Variants in WWP2 observed in about 807,000 individuals in gnomAD.
WWP2 encodes WW domain containing E3 ubiquitin protein ligase 2, also known as NEDD4-like E3 ubiquitin-protein ligase WWP2.
WWP2 carries 57 observed loss-of-function variants against 121.0 expected under a neutral mutation model. The observed-to-expected ratio is 0.47, with a 90% CI of 0.38 to 0.59. The LOEUF is 0.59. Ranked by LOEUF, WWP2 falls within the 20% of genes least tolerant of loss-of-function variation. WWP2 has a pLI of 0.00. For synonymous variants in WWP2, 449 were observed against 441.3 expected (o/e 1.02, Z -0.22); for missense variants, 962 against 1,158.9 (o/e 0.83, Z 2.47).
chr16:69,773,715 C>T (rs951626294), intron 1 of WWP2, among the ~76,000 whole-genome samples: 3 of 152,040 alleles, frequency 2.0e-5, no homozygotes, highest in African/African-American at 4.8e-5. Flanking sequence ...TTCCTGGGCT[C>T]AAGCAGTCTG....
intron 8 of WWP2, among the ~76,000 whole-genome samples, chr16:69,896,202 G>A (rs2058101881): frequency 6.6e-6 from 1 of 152,056 alleles, no homozygotes; most frequent in Non-Finnish European, 1.5e-5. Flanking sequence ...GCTCACTGCA[G>A]CCTCAACTTC....
At chr16:69,873,390 A>G (rs2057677643) in intron 7 of WWP2, among the ~76,000 whole-genome samples, 1 of 152,066 alleles carries the variant, frequency 6.6e-6, no homozygotes, top group Non-Finnish European at 1.5e-5. Flanking sequence ...CAGTGGCCTG[A>G]CCTCCTCCCT....
chr16:69,917,966 C>A, intron 10 of WWP2, 83 bp downstream of exon 10: 2 of 1,504,226 alleles, frequency 1.3e-6, no homozygotes, highest in Non-Finnish European at 9.0e-7. Context: ...TGTTGACCTG[C>A]TTAGTGAGCA....
intron 5 of WWP2, 36 bp from the exon 6 acceptor site, chr16:69,841,988 T>A: frequency 1.3e-6 from 2 of 1,593,744 alleles, no homozygotes; most frequent in Non-Finnish European, 1.7e-6. Flanking sequence ...AGCTCCTCAA[T>A]GCTTCTGTCT....
In WWP2 at chr16:69,888,095, A is replaced by T. The variant is rs1336404262; in HGVS notation, c.760A>T (p.Thr254Ser). Residue 254 changes from threonine (T) to serine (S), a missense_variant, in exon 8 of 24, where the codon ACG becomes TCG. This residue lies in a region of WWP2 where 211 missense variants were observed against 196.5 expected (regional missense o/e 1.07). Transcript: ENST00000359154. ...DPEEPSVVGV[T>S]SPPAAPLSVT... ...CGAAGAACCTTCCGTTGTTGGTGTG[A>T]CGTCCCCACCTGCTGCACCCTTGAG... 1.2e-6 allele frequency: 2 copies of T among 1,614,202 alleles called. No individual in the cohort carries two copies. The highest frequency in any genetic ancestry group is 2.2e-5 in the South Asian group (2 of 91,078).
chr16:69,888,550 A>G (rs936114135), intron 8 of WWP2, among the ~76,000 whole-genome samples: 1 of 152,138 alleles, frequency 6.6e-6, no homozygotes, highest in African/African-American at 2.4e-5. Flanking sequence ...GAATCATTGG[A>G]GGATGTTCGC....
intron 4 of WWP2, among the ~76,000 whole-genome samples, chr16:69,834,472 T>C (rs1014914302): frequency 5.9e-5 from 9 of 152,124 alleles, no homozygotes; most frequent in Non-Finnish European, 1.3e-4. Flanking sequence ...TATTTTTTCC[T>C]ATTGCACTTG....
intron 9 of WWP2, among the ~76,000 whole-genome samples, chr16:69,912,995 T>TATATATATATA (rs1325470664): frequency 1.2e-3 from 2 of 1,656 alleles, no homozygotes; most frequent in African/African-American, 5.9e-3. Context: ...TATATATATA[T>TATATATATATA]TTTTTTTTTT....
At chr16:69,894,548 A>G (rs1473018377) in intron 8 of WWP2, among the ~76,000 whole-genome samples, 2 of 152,126 alleles carry the variant, frequency 1.3e-5, no homozygotes, top group Non-Finnish European at 2.9e-5. Context: ...CCTGCTTTCC[A>G]TAGCTTTTAA....
At chr16:69,806,246 A>G (rs954655096) in intron 4 of WWP2, among the ~76,000 whole-genome samples, 11 of 152,298 alleles carry the variant, frequency 7.2e-5, no homozygotes, top group Non-Finnish European at 1.2e-4. Context: ...CCTAATAGTA[A>G]TTATCTTAGA....
chr16:69,866,012 G>A (rs1597078334), intron 6 of WWP2, among the ~76,000 whole-genome samples: 1 of 152,184 alleles, frequency 6.6e-6, no homozygotes, highest in East Asian at 1.9e-4. Context: ...ACTTATGGTG[G>A]CTAGGGAAGG....
At position 69,812,161 on chromosome 16, in the gene WWP2, CTTTTTTTTTT is replaced by C. The variant is rs1021541952; in HGVS notation, c.340+12880_340+12889del. Among the ~76,000 whole-genome samples the C allele has an allele frequency of 9.5e-3, 1,034 of 108,488 alleles. 15 individuals carry two copies. The highest frequency in any genetic ancestry group is 0.036 in the African/African-American group (957 of 26,788). 71.2% of individuals were successfully genotyped at this position (108,488 alleles called of 152,430 possible). On this transcript the variant is annotated intron_variant, in intron 4 of 23. Coordinates refer to ENST00000359154, the MANE Select transcript of WWP2 (RefSeq NM_001270454.2). ...ATCGGCGTTGTTGAAGAGTACAGAC[CTTTTTTTTTT>C]TTTTTTTTTTTTTGAGATGGAGTCT... is the stretch of plus-strand genomic sequence containing the variant.
chr16:69,826,817 T>TA (rs1467301031), intron 4 of WWP2, among the ~76,000 whole-genome samples: 4 of 150,898 alleles, frequency 2.7e-5, no homozygotes. Context: ...CAGGTGCCTG[T>TA]AGTCCCAGCT....
At chr16:69,886,809 G>T (rs1230700429) in intron 7 of WWP2, among the ~76,000 whole-genome samples, 3 of 152,186 alleles carry the variant, frequency 2.0e-5, no homozygotes, top group African/African-American at 7.2e-5. Flanking sequence ...TCTGTTCAAT[G>T]ATGGGATGAT....
chr16:69,834,340 T>A (rs1233853593), intron 4 of WWP2, among the ~76,000 whole-genome samples: 2 of 152,096 alleles, frequency 1.3e-5, no homozygotes, highest in Non-Finnish European at 2.9e-5. Context: ...ATGTTCTTCC[T>A]CCAGATACCC....
intron 7 of WWP2, among the ~76,000 whole-genome samples, chr16:69,882,146 G>A (rs896078880): frequency 1.6e-4 from 24 of 151,406 alleles, no homozygotes; most frequent in African/African-American, 4.4e-4. Context: ...AGTAGAGACG[G>A]GGTTTCACCA....
At chr16:69,873,520 C>T (rs2057680933) in intron 7 of WWP2, among the ~76,000 whole-genome samples, 1 of 152,198 alleles carries the variant, frequency 6.6e-6, no homozygotes, top group South Asian at 2.1e-4. Context: ...CCTGGCGCCC[C>T]TGTGCCACCC....
rs149353616 is a variant in WWP2, at chr16:69,781,729, A to G, written c.-15-5267A>G. On this transcript the variant is annotated intron_variant, in intron 1 of 23. Coordinates refer to ENST00000359154, the MANE Select transcript of WWP2 (RefSeq NM_001270454.2). ...GGATAATTTATAAAGAGACTAGGTA[A>G]TTTATAAAGAAAAGAGATTTATTCT... Among the ~76,000 whole-genome samples the G allele has an allele frequency of 3.3e-4, 50 of 152,264 alleles. 1 individual carries two copies. In the East Asian group the frequency reaches 5.8e-3, roughly 18 times the overall value.
intron 4 of WWP2, among the ~76,000 whole-genome samples, chr16:69,837,622 T>G (rs1204334613): frequency 6.6e-6 from 1 of 152,096 alleles, no homozygotes; most frequent in East Asian, 1.9e-4. Context: ...ACTCTCCTGT[T>G]GAACATTATC....
Sources: gnomAD v4.1 joint callset for allele counts (sites outside exome capture counted in the v4.1 genomes callset) on GRCh38, gnomAD v4.1.1 for gene constraint, gnomAD v4.1.1 regional missense constraint, MANE v1.5 for transcripts, NCBI Gene and HGNC (gene_info 2026-07-23, HGNC 2026-07-21) for gene names.